MAK: variants seen among roughly 807,000 people sequenced by gnomAD.
The protein encoded by MAK is serine/threonine-protein kinase MAK.
MAK carries 65 observed loss-of-function variants against 82.6 expected under a neutral mutation model. The observed-to-expected ratio is 0.79, with a 90% CI of 0.64 to 0.97. The LOEUF (loss-of-function observed/expected upper bound fraction) is 0.97, where lower values mean the gene tolerates loss of function less well. Among genes scored for constraint, MAK ranks in the 50% least tolerant of loss-of-function variants. The pLI, the probability that MAK is intolerant of heterozygous loss-of-function variation, is 0.00. For missense variants in MAK, 703 were observed against 780.2 expected (o/e 0.90, Z 1.18); for synonymous variants, 250 against 274.2 (o/e 0.91, Z 0.87).
chr6:10,791,889 TGAA>T, intron 9 of MAK, 42 bp from the exon 10 acceptor site: 2 of 1,598,928 alleles, frequency 1.3e-6, no homozygotes, highest in Non-Finnish European at 1.7e-6. Flanking sequence ...AATCATGTAC[TGAA>T]TGCCTTTCAT....
intron 13 of MAK, among the ~76,000 whole-genome samples, 179 bp downstream of exon 13, chr6:10,772,855 G>T (rs576172134): frequency 3.3e-4 from 51 of 152,306 alleles, no homozygotes; most frequent in African/African-American, 1.2e-3. Context: ...TAAAATCTCA[G>T]TTACTGAAGG....
chr6:10,822,912 G>T (rs1778073834), intron 2 of MAK, among the ~76,000 whole-genome samples: 1 of 152,054 alleles, frequency 6.6e-6, no homozygotes, highest in Non-Finnish European at 1.5e-5. Flanking sequence ...AAAAAAAATT[G>T]CAGAAAAGAC....
At chr6:10,789,160 A>AAG (rs1266843918) in intron 10 of MAK, among the ~76,000 whole-genome samples, 2 of 150,752 alleles carry the variant, frequency 1.3e-5, no homozygotes, top group Non-Finnish European at 2.9e-5. Flanking sequence ...CCAAGCAAAA[A>AAG]AGAAAAAAAA....
At position 10,791,567 on chromosome 6, in the gene MAK, T is replaced by C. The variant is rs931607056; in HGVS notation, c.1316+108A>G. 7 of 1,063,426 alleles carry C rather than the reference T, an allele frequency of 6.6e-6. No homozygotes were observed. The African/African-American group carries it at 1.1e-4, about 17-fold the overall frequency. The allele number at this position is 1,063,426 out of a possible 1,614,324, so 65.9% of individuals were successfully genotyped here. A position where few individuals can be genotyped will look rare whatever the true frequency, so the allele number is the denominator to read the frequency against. On this transcript the variant is annotated intron_variant, in intron 10 of 14. Coordinates refer to ENST00000354489, the MANE Select transcript of MAK (RefSeq NM_001242957.3). ...CAGGCCTGAGCCACTACACCTGGCC[T>C]GTTAAGCAAACTTTTCTTCTTTTAG... is the stretch of plus-strand genomic sequence containing the variant.
chr6:10,767,011 A>C (rs1427142958), intron 14 of MAK, among the ~76,000 whole-genome samples: 12 of 152,172 alleles, frequency 7.9e-5, no homozygotes, highest in Admixed American at 7.9e-4. Context: ...TGAAGAACCT[A>C]ACAGCTGAGA....
intron 11 of MAK, among the ~76,000 whole-genome samples, chr6:10,783,459 A>G (rs1232646478): frequency 6.6e-6 from 1 of 152,126 alleles, no homozygotes; most frequent in African/African-American, 2.4e-5. Context: ...TTTCTCAGCT[A>G]AAGTCACCAC....
intron 2 of MAK, among the ~76,000 whole-genome samples, chr6:10,820,205 C>T (rs1471808287): frequency 6.6e-6 from 1 of 152,064 alleles, no homozygotes; most frequent in Non-Finnish European, 1.5e-5. Flanking sequence ...AAAGAAAAAC[C>T]AAATATGCCA....
At chr6:10,811,681 A>G (rs1175569341) in intron 5 of MAK, among the ~76,000 whole-genome samples, 1 of 152,226 alleles carries the variant, frequency 6.6e-6, no homozygotes, top group African/African-American at 2.4e-5. Flanking sequence ...GTTTGCCAAT[A>G]AAGTGTAGTA....
chr6:10,797,366 G>C (rs1775651280), intron 8 of MAK, among the ~76,000 whole-genome samples: 1 of 152,168 alleles, frequency 6.6e-6, no homozygotes, highest in Non-Finnish European at 1.5e-5. Context: ...TTTGCCCCTT[G>C]GGAGATATCT....
At chr6:10,818,288 A>T (rs1777647073) in intron 3 of MAK, among the ~76,000 whole-genome samples, 1 of 152,224 alleles carries the variant, frequency 6.6e-6, no homozygotes, top group African/African-American at 2.4e-5. Context: ...TAAGCATAAA[A>T]TCTAAGGAAA....
chr6:10,796,238 CTG>C lies in MAK; in HGVS notation c.901_902del (p.Gln301ValfsTer4), dbSNP rs1320050201. On this transcript the variant is annotated frameshift_variant, in exon 9 of 15. Transcript: ENST00000354489. LOFTEE classifies it high-confidence loss of function. ...ATGGTTGCAGCTGCTTATTTAAAGA[CTG>C]TTTTGATTCCAGATGATTTGACGAA... ...GPSSNHLESK[Q>X]SLNKQLQPLE... 3.7e-6 allele frequency: 6 copies of C among 1,614,046 alleles called. No homozygotes were observed. The Admixed American group carries it at 5.0e-5, about 13-fold the overall frequency.
chr6:10,798,393 A>G (rs796460034), intron 8 of MAK, among the ~76,000 whole-genome samples: 46 of 152,106 alleles, frequency 3.0e-4, no homozygotes, highest in Admixed American at 1.2e-3. Context: ...GATTACAGGT[A>G]TGAGCCACTG....
Position 10,803,703 on chromosome 6 carries a change from G to A in MAK, c.663+17C>T, listed in dbSNP as rs776015081. Reference sequence around the variant, plus strand: ...AATAATCAAAAGTTATAGCAACTTAGGGACAAGAGTACTTACTTTTTTGGG... The same window carrying A: ...AATAATCAAAAGTTATAGCAACTTAAGGACAAGAGTACTTACTTTTTTGGG... On this transcript the variant is annotated intron_variant, in intron 7 of 14. Coordinates refer to ENST00000354489, the MANE Select transcript of MAK (RefSeq NM_001242957.3). 4 of 1,605,900 alleles carry A rather than the reference G, an allele frequency of 2.5e-6. No homozygotes were observed. Among genetic ancestry groups the A allele is most frequent in the Non-Finnish European group, 3.4e-6 (4 of 1,172,642 alleles).
chr6:10,767,834 GAGAA>G (rs1436568816), intron 14 of MAK, among the ~76,000 whole-genome samples: 3 of 151,768 alleles, frequency 2.0e-5, no homozygotes. Context: ...TCTTGAAGGG[GAGAA>G]AGAAGAGCAA....
chr6:10,778,689 CCA>C (rs750337207), intron 11 of MAK, among the ~76,000 whole-genome samples: 25 of 151,836 alleles, frequency 1.6e-4, no homozygotes, highest in Admixed American at 5.3e-4. Context: ...GAGGGGCAGG[CCA>C]CACAGGATTT....
intron 1 of MAK, among the ~76,000 whole-genome samples, chr6:10,834,300 G>A (rs1779010322): frequency 6.6e-6 from 1 of 152,184 alleles, no homozygotes; most frequent in Admixed American, 6.5e-5. Flanking sequence ...CCTTATGACA[G>A]TAAGATCATA....
chr6:10,810,097 C>CAA (rs1289360594), intron 5 of MAK, among the ~76,000 whole-genome samples: 11 of 35,932 alleles, frequency 3.1e-4, no homozygotes, highest in Middle Eastern at 0.012. Context: ...GACACTGTCT[C>CAA]AAAAAAAAAA....
Position 10,811,085 on chromosome 6 carries a change from G to A in MAK, c.359-2143C>T, listed in dbSNP as rs140893098. On this transcript the variant is annotated intron_variant, in intron 5 of 14. Transcript: ENST00000354489. ...ATGATCTCAGCTCACTGTAATCTCCGCCTCCCGGGTTCAAGCAATTCTCCT... is the reference window on the plus strand; with the variant it reads ...ATGATCTCAGCTCACTGTAATCTCCACCTCCCGGGTTCAAGCAATTCTCCT... Among the ~76,000 whole-genome samples the A allele has an allele frequency of 1.8e-3, 278 of 152,220 alleles. 3 individuals are homozygous for A. Among genetic ancestry groups the A allele is most frequent in the East Asian group, 7.0e-3 (36 of 5,170 alleles).
intron 9 of MAK, among the ~76,000 whole-genome samples, chr6:10,794,313 A>G (rs1178141192): frequency 2.6e-5 from 4 of 152,188 alleles, no homozygotes; most frequent in Admixed American, 6.5e-5. Context: ...TCTACTGAGA[A>G]TCTACCATGT....
Sources: gnomAD v4.1 joint callset for allele counts (sites outside exome capture counted in the v4.1 genomes callset) on GRCh38, gnomAD v4.1.1 for gene constraint, MANE v1.5 for transcripts, NCBI Gene and HGNC (gene_info 2026-07-23, HGNC 2026-07-21) for gene names.